Variants in CHST11 observed in about 807,000 individuals in gnomAD.
CHST11 encodes C4S-1.
A neutral mutation model predicts 30.4 loss-of-function variants in CHST11; 9 were observed. The observed-to-expected ratio is 0.30, with a 90% CI of 0.18 to 0.52. The LOEUF (loss-of-function observed/expected upper bound fraction) is 0.52, where lower values mean the gene tolerates loss of function less well. Among genes scored for constraint, CHST11 ranks in the 20% least tolerant of loss-of-function variants. The pLI is 0.97. For missense variants in CHST11, 348 were observed against 460.6 expected (o/e 0.76, Z 2.24); for synonymous variants, 152 against 187.8 (o/e 0.81, Z 1.56).
intron 1 of CHST11, among the ~76,000 whole-genome samples, chr12:104,492,092 ACT>A (rs1356432888): frequency 6.6e-6 from 1 of 151,522 alleles, no homozygotes; most frequent in Non-Finnish European, 1.5e-5. Context: ...TTACCATGTC[ACT>A]CTGTTTTATT....
chr12:104,646,430 T>C (rs1450963891), intron 2 of CHST11, among the ~76,000 whole-genome samples: 2 of 152,168 alleles, frequency 1.3e-5, no homozygotes, highest in Non-Finnish European at 2.9e-5. Flanking sequence ...TTCATCGTAG[T>C]GGTGATTAAA....
chr12:104,732,701 C>T lies in CHST11; in HGVS notation c.205-24248C>T, dbSNP rs1223231633. ...CCAAACCTGAGCTCAGTCAGGTATC[C>T]GATTGGTGTTGCTGTCACCGGGGCA... On this transcript the variant is annotated intron_variant, in intron 2 of 2. Transcript: ENST00000303694. Among the ~76,000 whole-genome samples the T allele has an allele frequency of 5.9e-5, 9 of 152,266 alleles. No homozygotes were observed. In the South Asian group the frequency reaches 6.2e-4, roughly 11 times the overall value.
intron 2 of CHST11, among the ~76,000 whole-genome samples, chr12:104,731,988 T>G (rs1054859708): frequency 2.0e-5 from 3 of 152,184 alleles, no homozygotes; most frequent in Non-Finnish European, 4.4e-5. Context: ...GAATCAGCAG[T>G]GATGGCAGAA....
chr12:104,499,898 C>T (rs2037836116), intron 1 of CHST11, among the ~76,000 whole-genome samples: 1 of 152,160 alleles, frequency 6.6e-6, no homozygotes, highest in Non-Finnish European at 1.5e-5. Flanking sequence ...TACAGCCAGC[C>T]CAGGGCTCAG....
intron 1 of CHST11, among the ~76,000 whole-genome samples, chr12:104,586,878 G>A (rs762485730): frequency 3.3e-5 from 5 of 152,228 alleles, no homozygotes; most frequent in Non-Finnish European, 7.3e-5. Flanking sequence ...AACATAAAAT[G>A]TAATTTATGA....
chr12:104,590,575 C>G (rs1376841081), intron 1 of CHST11, among the ~76,000 whole-genome samples: 1 of 152,174 alleles, frequency 6.6e-6, no homozygotes, highest in Admixed American at 6.5e-5. Flanking sequence ...CAACAGACAA[C>G]AGCCAATAAA....
At chr12:104,733,305 A>G (rs886179295) in intron 2 of CHST11, among the ~76,000 whole-genome samples, 18 of 152,204 alleles carry the variant, frequency 1.2e-4, no homozygotes, top group African/African-American at 4.1e-4. Context: ...TAGATCCAAG[A>G]TTTCCCCATG....
At chr12:104,752,208 T>C (rs2463440) in intron 2 of CHST11, among the ~76,000 whole-genome samples, 111,889 of 151,998 alleles carry the variant, frequency 0.74, 41,778 homozygotes, top group African/African-American at 0.87. Flanking sequence ...CTTGGCATTT[T>C]TTGGCCTGGA....
chr12:104,487,305 A>C (rs1274432787), intron 1 of CHST11, among the ~76,000 whole-genome samples: 1 of 152,186 alleles, frequency 6.6e-6, no homozygotes, highest in Admixed American at 6.6e-5. Flanking sequence ...ACTGTCTTCC[A>C]GGCAGGAGTG....
intron 2 of CHST11, among the ~76,000 whole-genome samples, chr12:104,706,471 G>C (rs1400152336): frequency 1.3e-5 from 2 of 151,798 alleles, no homozygotes; most frequent in African/African-American, 2.4e-5. Context: ...GGGAGAGAGA[G>C]AGAGAGAGAG....
chr12:104,669,697 TTAGC>T (rs2039673158), intron 2 of CHST11, among the ~76,000 whole-genome samples: 2 of 152,192 alleles, frequency 1.3e-5, no homozygotes, highest in Admixed American at 6.5e-5. Flanking sequence ...GCCCTGCAAA[TTAGC>T]TGTGTGACCC....
At chr12:104,672,074 A>T (rs1347761941) in intron 2 of CHST11, among the ~76,000 whole-genome samples, 2 of 152,166 alleles carry the variant, frequency 1.3e-5, no homozygotes, top group African/African-American at 4.8e-5. Context: ...GAGCATTAAG[A>T]TTTCTGCTCT....
intron 1 of CHST11, among the ~76,000 whole-genome samples, chr12:104,583,201 A>G (rs1442561231): frequency 1.3e-5 from 2 of 152,078 alleles, no homozygotes; most frequent in African/African-American, 2.4e-5. Flanking sequence ...CCATTTTGTC[A>G]TAACACTTTT....
intron 1 of CHST11, among the ~76,000 whole-genome samples, chr12:104,482,213 T>C (rs1279959374): frequency 6.6e-6 from 1 of 151,956 alleles, no homozygotes; most frequent in Non-Finnish European, 1.5e-5. Flanking sequence ...CTGCCTTCCT[T>C]TCGCCTTCCC....
At chr12:104,497,391 G>T (rs1354525110) in intron 1 of CHST11, among the ~76,000 whole-genome samples, 1 of 152,182 alleles carries the variant, frequency 6.6e-6, no homozygotes, top group African/African-American at 2.4e-5. Context: ...TCTGCAGGCC[G>T]AAGAGAAAGG....
intron 1 of CHST11, among the ~76,000 whole-genome samples, chr12:104,556,372 G>T (rs1340529728): frequency 6.6e-6 from 1 of 152,116 alleles, no homozygotes; most frequent in African/African-American, 2.4e-5. Context: ...GTTTGGCAGG[G>T]TGGGTATATT....
intron 2 of CHST11, among the ~76,000 whole-genome samples, chr12:104,724,642 C>T (rs575730879): frequency 6.6e-6 from 1 of 152,194 alleles, no homozygotes; most frequent in Admixed American, 6.5e-5. Context: ...CTGAGGCTCA[C>T]CGTGGGCTTT....
chr12:104,693,586 G>A (rs2039918464), intron 2 of CHST11, among the ~76,000 whole-genome samples: 1 of 152,218 alleles, frequency 6.6e-6, no homozygotes, highest in African/African-American at 2.4e-5. Context: ...TGGGAGACAA[G>A]AAAGTGGCAA....
intron 2 of CHST11, among the ~76,000 whole-genome samples, chr12:104,617,634 T>C (rs1191040065): frequency 6.6e-6 from 1 of 152,204 alleles, no homozygotes; most frequent in Non-Finnish European, 1.5e-5. Context: ...GAATCACTTA[T>C]TTAAGTTCAG....
Sources: allele counts gnomAD v4.1 joint callset (sites outside exome capture counted in the v4.1 genomes callset), GRCh38; gene constraint gnomAD v4.1.1; transcripts MANE v1.5; gene names NCBI Gene and HGNC (gene_info 2026-07-23, HGNC 2026-07-21).